The following ATP7B variants were observed in gnomAD, a reference collection of about 807,000 sequenced individuals.
ATP7B encodes the protein ATPase copper transporting beta.
ATP7B carries 113 observed loss-of-function variants against 118.9 expected under a neutral mutation model. The ratio of observed to expected loss-of-function variants is 0.95; its 90% CI spans 0.82 to 1.11. ATP7B has a LOEUF of 1.11. Among genes scored for constraint, ATP7B ranks in the 50% most tolerant of loss-of-function variants. The probability of loss-of-function intolerance (pLI) is 0.00; values close to 1 mark genes in which losing one functional copy is unlikely to be tolerated. For synonymous variants in ATP7B, 777 were observed against 727.4 expected, an observed-to-expected ratio of 1.07 and a Z score of -1.10; for missense variants, 1,867 against 1,871.4, an observed-to-expected ratio of 1.00 and a Z score of 0.04.
intron 15 of ATP7B, among the ~76,000 whole-genome samples, chr13:51,941,530 T>A (rs1957333643): frequency 6.6e-6 from 1 of 152,246 alleles, no homozygotes; most frequent in South Asian, 2.1e-4. Context: ...ATTCTTTTTC[T>A]GCAGGGATTA....
intron 9 of ATP7B, among the ~76,000 whole-genome samples, chr13:51,951,006 A>G (rs1395113104): frequency 6.6e-6 from 1 of 152,112 alleles, no homozygotes; most frequent in Non-Finnish European, 1.5e-5. Context: ...GGAGCAGAGC[A>G]TGGGTTTTGG....
rs112688647 is a variant in ATP7B at position 51,950,607 on chromosome 13, C to T, written c.2448-208G>A. Among the ~76,000 whole-genome samples the T allele has an allele frequency of 3.3e-3, 510 of 152,316 alleles. 2 individuals carry two copies. The highest frequency in any genetic ancestry group is 0.012 in the African/African-American group (489 of 41,570). On this transcript the variant is annotated intron_variant, in intron 9 of 20. Transcript: ENST00000242839. ...GGTGATACAGCTGTGAATGGCACAG[C>T]AAAGGCCCTACTACCTCATGAAGAC...
intron 16 of ATP7B, among the ~76,000 whole-genome samples, chr13:51,939,536 T>G (rs1468616390): frequency 1.3e-5 from 2 of 152,226 alleles, no homozygotes; most frequent in African/African-American, 4.8e-5. Flanking sequence ...TCAATACACA[T>G]TAGCTACTAA....
Position 51,961,920 on chromosome 13 carries a change from A to G in ATP7B, c.1870-7T>C, listed in dbSNP as rs1278636244. ...AAGCATGAAAGCCAATTTCCTTGTC[A>G]TTAAAAAGAGAGGGGTGGGGAAAAA... On this transcript the variant is annotated splice_polypyrimidine_tract_variant and splice_region_variant and intron_variant, in intron 5 of 20. Transcript: ENST00000242839. 1.2e-6 allele frequency: 2 copies of G among 1,611,698 alleles called. No individual in the cohort carries two copies. Among genetic ancestry groups the G allele is most frequent in the African/African-American group, 2.7e-5 (2 of 74,840 alleles).
intron 1 of ATP7B, among the ~76,000 whole-genome samples, chr13:52,000,662 C>T: frequency 6.6e-6 from 1 of 152,202 alleles, no homozygotes; most frequent in East Asian, 1.9e-4. Context: ...CAGTCTTCCC[C>T]ACCTTAGTAA....
intron 8 of ATP7B, 124 bp from the exon 9 acceptor site, chr13:51,957,731 A>G: frequency 1.1e-6 from 1 of 892,182 alleles, no homozygotes; most frequent in South Asian, 1.4e-5. Context: ...ACGGCACGAT[A>G]AAAGGCTCTG....
chr13:51,937,373 C>T lies in ATP7B; in HGVS notation c.3924G>A (p.Val1308=). The change falls in exon 19 of 21, where the codon GTG becomes GTA. Residue 1308 remains valine, a synonymous_variant. Coordinates refer to ENST00000242839, the MANE Select transcript of ATP7B (RefSeq NM_000053.4). Reference sequence around the variant, plus strand: ...TCCTCTTGGAAAGGTGAATGCTAGCCACCACATCCAGCAAATCATTCTGAT... The same window carrying T: ...TCCTCTTGGAAAGGTGAATGCTAGCTACCACATCCAGCAAATCATTCTGAT... ...VLIRNDLLDV[V]ASIHLSKRTV... 6.2e-7 allele frequency: 1 copy of T among 1,614,230 alleles called. No homozygotes were observed. Among genetic ancestry groups the T allele is most frequent in the South Asian group, 1.1e-5 (1 of 91,090 alleles).
intron 1 of ATP7B, among the ~76,000 whole-genome samples, chr13:51,991,301 A>C (rs1479906870): frequency 6.6e-6 from 1 of 152,068 alleles, no homozygotes; most frequent in Non-Finnish European, 1.5e-5. Context: ...CATGGACTGA[A>C]CTCTGTCAGA....
chr13:51,989,865 CCCAACAAAG>C (rs1952828243), intron 1 of ATP7B, among the ~76,000 whole-genome samples: 1 of 152,112 alleles, frequency 6.6e-6, no homozygotes, highest in South Asian at 2.1e-4. Flanking sequence ...TCAAGCCTTT[CCCAACAAAG>C]AGGTTTTATT....
chr13:51,937,191 G>A, intron 19 of ATP7B, 85 bp downstream of exon 19: 7 of 1,337,030 alleles, frequency 5.2e-6, no homozygotes, highest in Non-Finnish European at 7.5e-6. Context: ...GCCAGTGAGT[G>A]AGCCACTCAC....
chr13:51,997,720 G>C (rs73184330), intron 1 of ATP7B, among the ~76,000 whole-genome samples: 13,433 of 152,238 alleles, frequency 0.088, 709 homozygotes, highest in Non-Finnish European at 0.12. Context: ...ACAAGGGGCA[G>C]AAAATTTAAT....
At chr13:51,984,051 A>T (rs1952541095) in intron 1 of ATP7B, among the ~76,000 whole-genome samples, 1 of 152,074 alleles carries the variant, frequency 6.6e-6, no homozygotes, top group Non-Finnish European at 1.5e-5. Flanking sequence ...ACAAAACTGG[A>T]TGGAGAATGC....
intron 1 of ATP7B, among the ~76,000 whole-genome samples, chr13:51,980,899 ATACAACTTAACACATCTGAACTT>A (rs1253970801): frequency 1.3e-5 from 2 of 152,224 alleles, no homozygotes; most frequent in Non-Finnish European, 2.9e-5. Flanking sequence ...ACCTCCCCCC[ATACAACTTAACACATCTGAACTT>A]TCATGGGATT....
At chr13:51,988,010 T>C (rs1254913171) in intron 1 of ATP7B, among the ~76,000 whole-genome samples, 3 of 152,132 alleles carry the variant, frequency 2.0e-5, no homozygotes, top group Non-Finnish European at 2.9e-5. Context: ...AACAACTTAA[T>C]GACTAAAACA....
intron 1 of ATP7B, among the ~76,000 whole-genome samples, chr13:51,981,158 T>C (rs922600478): frequency 5.9e-5 from 9 of 152,224 alleles, no homozygotes; most frequent in African/African-American, 2.2e-4. Context: ...TAAACGCTGC[T>C]GAGAAATCCG....
At chr13:52,007,817 T>C (rs1210085231) in intron 1 of ATP7B, among the ~76,000 whole-genome samples, 5 of 152,118 alleles carry the variant, frequency 3.3e-5, no homozygotes, top group African/African-American at 1.2e-4. Flanking sequence ...CTCGCAGAAC[T>C]TAGGAAAGCA....
intron 4 of ATP7B, among the ~76,000 whole-genome samples, 158 bp downstream of exon 4, chr13:51,968,283 CATT>C (rs1433866428): frequency 3.3e-5 from 5 of 152,204 alleles, no homozygotes; most frequent in Non-Finnish European, 5.9e-5. Context: ...ATGAACAAGT[CATT>C]GTTGTCGGCT....
rs773385516 is a variant in ATP7B at position 51,968,583 on chromosome 13, A to T, written c.1568T>A (p.Leu523Ter). The change falls in exon 4 of 21, where the codon TTG becomes TAG. Residue 523 changes from leucine to a stop codon, truncating the protein, a stop_gained. Coordinates refer to ENST00000242839, the MANE Select transcript of ATP7B (RefSeq NM_000053.4). LOFTEE classifies it high-confidence loss of function. ...EAGVLSVLVA[L>*]MAGKAEIKYD... The stretch of plus-strand genomic sequence containing the variant: ...CTTGATCTCTGCCTTTCCTGCCATC[A>T]AGGCAACCAACACGGAGAGAACACC... 1 of 1,614,096 alleles carries T rather than the reference A, an allele frequency of 6.2e-7. No homozygotes were observed. The highest frequency in any genetic ancestry group is 8.5e-7 in the Non-Finnish European group (1 of 1,180,018).
At chr13:51,949,115 G>A (rs937065107) in intron 12 of ATP7B, among the ~76,000 whole-genome samples, 2 of 152,148 alleles carry the variant, frequency 1.3e-5, no homozygotes, top group Admixed American at 6.5e-5. Context: ...GGGAGGTGGA[G>A]GTTGCAGTGA....
Sources: allele counts gnomAD v4.1 joint callset (sites outside exome capture counted in the v4.1 genomes callset), GRCh38; gene constraint gnomAD v4.1.1; transcripts MANE v1.5; gene names NCBI Gene and HGNC (gene_info 2026-07-23, HGNC 2026-07-21).